The following PDZD8 variants were observed in gnomAD, a reference collection of about 807,000 sequenced individuals.
The protein encoded by PDZD8 is PDZ domain containing 8.
PDZD8 carries 14 observed loss-of-function variants against 85.8 expected under a neutral mutation model. The observed-to-expected ratio is 0.16, with a 90% CI of 0.11 to 0.26. PDZD8 has a LOEUF of 0.26. Among genes scored for constraint, PDZD8 ranks in the 10% least tolerant of loss-of-function variants. The pLI is 1.00. For synonymous variants in PDZD8, 592 were observed against 568.6 expected (o/e 1.04, Z -0.59); for missense variants, 1,197 against 1,424.3 (o/e 0.84, Z 2.57).
intron 3 of PDZD8, among the ~76,000 whole-genome samples, chr10:117,311,823 G>A (rs1036918905): frequency 6.6e-6 from 1 of 151,772 alleles, no homozygotes; most frequent in Non-Finnish European, 1.5e-5. Context: ...ACCTTTGGCT[G>A]GAAGGAAGGG....
chr10:117,319,013 GTTATAT>G (rs755222424), intron 2 of PDZD8, 39 bp from the exon 3 acceptor site: 2 of 1,331,916 alleles, frequency 1.5e-6, no homozygotes, highest in Non-Finnish European at 2.1e-6. Context: ...TATCATACCT[GTTATAT>G]TCATTAAAAT....
chr10:117,331,489 A>G (rs1255116159), intron 2 of PDZD8, among the ~76,000 whole-genome samples: 1 of 152,204 alleles, frequency 6.6e-6, no homozygotes, highest in Non-Finnish European at 1.5e-5. Flanking sequence ...AAGAGAGAAA[A>G]TAAAGGCAGT....
Position 117,284,282 on chromosome 10 carries a change from C to T in PDZD8, c.2451G>A (p.Leu817=). Reference sequence around the variant, plus strand: ...TAGGGAGAACAGAAACTTCTTCAACCAAATGGGGTTCTTTTTCTTTTTCTA... The same window carrying T: ...TAGGGAGAACAGAAACTTCTTCAACTAAATGGGGTTCTTTTTCTTTTTCTA... The part of the protein sequence containing the change: ...TNVEKEKEPH[L]VEEVSVLPKE... Residue 817 remains leucine (L), a synonymous_variant, in exon 5 of 5, where the codon TTG becomes TTA. Transcript: ENST00000334464. 1.9e-6 allele frequency: 3 copies of T among 1,614,014 alleles called. No homozygotes were observed. The highest frequency in any genetic ancestry group is 2.5e-6 in the Non-Finnish European group (3 of 1,179,994).
chr10:117,289,591 G>A (rs1441669980), intron 4 of PDZD8, among the ~76,000 whole-genome samples: 1 of 152,138 alleles, frequency 6.6e-6, no homozygotes, highest in Non-Finnish European at 1.5e-5. Flanking sequence ...AGTTTTTACT[G>A]TTAACAATCC....
intron 3 of PDZD8, among the ~76,000 whole-genome samples, chr10:117,296,717 A>T (rs1432468794): frequency 7.2e-5 from 11 of 152,156 alleles, no homozygotes; most frequent in Admixed American, 7.2e-4. Context: ...AAAAGGGTAT[A>T]CTGAGACAAG....
chr10:117,329,169 A>G (rs1188801729), intron 2 of PDZD8, among the ~76,000 whole-genome samples: 1 of 152,242 alleles, frequency 6.6e-6, no homozygotes, highest in Admixed American at 6.5e-5. Context: ...TTTTGCATAA[A>G]TATAAACAAA....
chr10:117,373,608 A>C (rs1290371058), intron 1 of PDZD8, among the ~76,000 whole-genome samples: 2 of 131,034 alleles, frequency 1.5e-5, no homozygotes, highest in Admixed American at 1.5e-4. Context: ...AAAATACAAA[A>C]AAAAAAAAAA....
intron 2 of PDZD8, among the ~76,000 whole-genome samples, chr10:117,330,284 T>C (rs1844399810): frequency 6.6e-6 from 1 of 151,982 alleles, no homozygotes; most frequent in Admixed American, 6.6e-5. Flanking sequence ...CAGTCCTCAT[T>C]TTCCCCCTGC....
At chr10:117,338,533 C>A (rs985455079) in intron 2 of PDZD8, among the ~76,000 whole-genome samples, 3 of 152,140 alleles carry the variant, frequency 2.0e-5, no homozygotes, top group African/African-American at 7.2e-5. Flanking sequence ...ATAAATAAAA[C>A]AACATAAACA....
In PDZD8 at chr10:117,284,043, C is replaced by T. The variant is rs363294; in HGVS notation, c.2690G>A (p.Arg897Gln). Residue 897 changes from arginine to glutamine, a missense_variant, in exon 5 of 5, where the codon CGA becomes CAA. Arg to Gln is a conservative substitution (Grantham distance 43). Coordinates refer to ENST00000334464, the MANE Select transcript of PDZD8 (RefSeq NM_173791.5). ...AAGGTTTTTCAGTGTCCTGTCTATT[C>T]GCCTATCAGTTGCTCCACAAACAGA... ...ETSVCGATDR[R>Q]IDRTLKNLRL... 81,555 of 1,614,066 alleles carry T rather than the reference C, an allele frequency of 0.051. 2,526 individuals carry two copies. Among genetic ancestry groups the T allele is most frequent in the South Asian group, 0.083 (7,555 of 91,078 alleles).
intron 2 of PDZD8, among the ~76,000 whole-genome samples, chr10:117,321,923 T>C (rs186087885): frequency 1.6e-4 from 24 of 152,292 alleles, no homozygotes; most frequent in African/African-American, 4.6e-4. Flanking sequence ...TCATTAATTG[T>C]GAAAAATAAC....
chr10:117,373,150 A>C (rs1283648734), intron 1 of PDZD8, among the ~76,000 whole-genome samples: 1 of 152,144 alleles, frequency 6.6e-6, no homozygotes, highest in African/African-American at 2.4e-5. Context: ...AGCCCTAAAA[A>C]AGTCTTTCCC....
At chr10:117,360,855 G>A (rs1000873554) in intron 1 of PDZD8, among the ~76,000 whole-genome samples, 1 of 151,742 alleles carries the variant, frequency 6.6e-6, no homozygotes, top group Non-Finnish European at 1.5e-5. Flanking sequence ...TAAACTTCAG[G>A]TCAGACTAGC....
intron 3 of PDZD8, among the ~76,000 whole-genome samples, chr10:117,305,165 C>G (rs1843913162): frequency 1.3e-5 from 2 of 152,138 alleles, no homozygotes; most frequent in Non-Finnish European, 2.9e-5. Context: ...ATAATCCCAG[C>G]ACTTTGGGAG....
At chr10:117,294,253 G>A (rs952805659) in intron 3 of PDZD8, among the ~76,000 whole-genome samples, 3 of 151,032 alleles carry the variant, frequency 2.0e-5, no homozygotes, top group African/African-American at 7.3e-5. Context: ...AAACTGGTAA[G>A]CCTATAGGCT....
intron 3 of PDZD8, chr10:117,314,058 A>G (rs1265359282): frequency 2.6e-5 from 4 of 152,192 alleles, no homozygotes. Flanking sequence ...ACAAGTAGAG[A>G]TCTTATAGTC....
At chr10:117,346,232 C>CAAA (rs59338641) in intron 1 of PDZD8, among the ~76,000 whole-genome samples, 2 of 63,650 alleles carry the variant, frequency 3.1e-5, no homozygotes, top group Admixed American at 1.6e-4. Flanking sequence ...AAACTCCGTC[C>CAAA]AAAAAAAAAA....
chr10:117,338,732 A>G (rs572688891), intron 2 of PDZD8, among the ~76,000 whole-genome samples: 1 of 152,264 alleles, frequency 6.6e-6, no homozygotes, highest in Non-Finnish European at 1.5e-5. Flanking sequence ...TTTTCTTTTC[A>G]TTTATCTCAA....
chr10:117,290,732 T>C (rs1844744264), intron 3 of PDZD8, among the ~76,000 whole-genome samples: 1 of 152,110 alleles, frequency 6.6e-6, no homozygotes, highest in Non-Finnish European at 1.5e-5. Context: ...GTCTCAATAA[T>C]ACTGAGACAT....
Sources: allele counts gnomAD v4.1 joint callset (sites outside exome capture counted in the v4.1 genomes callset), GRCh38; gene constraint gnomAD v4.1.1; transcripts MANE v1.5; gene names NCBI Gene and HGNC (gene_info 2026-07-23, HGNC 2026-07-21).